Variants in ODAD1 observed in about 807,000 individuals in gnomAD.
ODAD1 encodes outer dynein arm docking complex subunit 1, also known as outer dynein arm-docking complex subunit 1.
A neutral mutation model predicts 67.2 loss-of-function variants in ODAD1; 49 were observed. That is an observed-to-expected ratio of 0.73 (90% confidence interval 0.58 to 0.92). The LOEUF is 0.92. Ranked by LOEUF, ODAD1 falls within the 40% of genes least tolerant of loss-of-function variation. ODAD1 has a pLI of 0.00. For missense variants in ODAD1, 897 were observed against 953.7 expected (o/e 0.94, Z 0.78); for synonymous variants, 345 against 393.7 (o/e 0.88, Z 1.46).
chr19:48,296,956 G>C lies in ODAD1; in HGVS notation c.*20C>G. On this transcript the variant is annotated 3_prime_UTR_variant, in exon 16 of 16. Coordinates refer to ENST00000674294, the MANE Select transcript of ODAD1 (RefSeq NM_001364171.2). ...CCCCACAGAGAGCCAGGGCAGGGTG[G>C]GGGCTGCGTGCCCCTCGTGTTAGCC... is the stretch of plus-strand genomic sequence containing the variant. 1 of 1,565,584 alleles carries C rather than the reference G, an allele frequency of 6.4e-7. No individual in the cohort carries two copies. Among genetic ancestry groups the C allele is most frequent in the Non-Finnish European group, 8.6e-7 (1 of 1,158,902 alleles).
intron 13 of ODAD1, 22 bp from the exon 14 acceptor site, chr19:48,298,119 G>A (rs377546100): frequency 2.2e-5 from 35 of 1,611,802 alleles, no homozygotes; most frequent in African/African-American, 1.3e-4. Context: ...GGGAGCCTGC[G>A]GTCAGCTGGG....
intron 7 of ODAD1, among the ~76,000 whole-genome samples, chr19:48,311,115 T>C (rs1968747190): frequency 6.6e-6 from 1 of 152,072 alleles, no homozygotes; most frequent in African/African-American, 2.4e-5. Flanking sequence ...GGGAGGCTGA[T>C]ACAGGAGAAT....
At chr19:48,299,438 A>G (rs1408968184) in intron 12 of ODAD1, among the ~76,000 whole-genome samples, 1 of 152,092 alleles carries the variant, frequency 6.6e-6, no homozygotes, top group Non-Finnish European at 1.5e-5. Flanking sequence ...CTAACAATAA[A>G]TGTTTTAAAA....
intron 7 of ODAD1, 33 bp from the exon 8 acceptor site, chr19:48,306,356 T>G (rs923172494): frequency 7.2e-6 from 11 of 1,523,096 alleles, no homozygotes; most frequent in Non-Finnish European, 9.8e-6. Context: ...TCAGTGCCAC[T>G]TCTTACAACC....
At chr19:48,307,822 C>CAAA (rs71181675) in intron 7 of ODAD1, among the ~76,000 whole-genome samples, 5 of 99,888 alleles carry the variant, frequency 5.0e-5, no homozygotes, top group South Asian at 3.7e-4. Context: ...GACTCCGTCT[C>CAAA]AAAAAAAAAA....
intron 5 of ODAD1, among the ~76,000 whole-genome samples, chr19:48,312,935 T>A (rs1444603882): frequency 6.6e-6 from 1 of 152,190 alleles, no homozygotes; most frequent in African/African-American, 2.4e-5. Context: ...TCTGTCCTCA[T>A]TTCTGTATTC....
intron 7 of ODAD1, among the ~76,000 whole-genome samples, chr19:48,310,833 T>C (rs551590313): frequency 6.6e-6 from 1 of 152,236 alleles, no homozygotes; most frequent in Admixed American, 6.5e-5. Context: ...TCCCAGCACT[T>C]TGGGAGGCCG....
chr19:48,303,927 T>C lies in ODAD1; in HGVS notation c.853+26A>G, dbSNP rs1246463700. On this transcript the variant is annotated intron_variant, in intron 9 of 15. Coordinates refer to ENST00000674294, the MANE Select transcript of ODAD1 (RefSeq NM_001364171.2). ...CCCAGGGGCGGCCAGGCCCTTGAGA[T>C]GCAAAGGCAGCAGCCCCAGCCTCAC... The C allele has an allele frequency of 3.1e-6, 5 of 1,606,668 alleles. No individual in the cohort carries two copies. In the Admixed American group the frequency reaches 8.4e-5, roughly 27 times the overall value.
At chr19:48,320,451 T>C in intron 2 of ODAD1, 60 bp from the exon 3 acceptor site, 2 of 978,960 alleles carry the variant, frequency 2.0e-6, no homozygotes, top group South Asian at 1.5e-5. Context: ...CCAGAGAGGG[T>C]GGACAATGAA....
rs570730640 is a variant in ODAD1, at chr19:48,321,026, C to T, written c.-63-215G>A. On this transcript the variant is annotated intron_variant, in intron 1 of 15. Coordinates refer to ENST00000674294, the MANE Select transcript of ODAD1 (RefSeq NM_001364171.2). ...CCGAGGCGGGCGCATCACTTGAGGT[C>T]ACGAGTTCGAGACCAACCTGGCCAA... Among the ~76,000 whole-genome samples, 10 of 152,306 alleles carry T rather than the reference C, an allele frequency of 6.6e-5. No homozygotes were observed. The South Asian group carries it at 1.2e-3, about 19-fold the overall frequency.
chr19:48,306,815 G>C lies in ODAD1; in HGVS notation c.598-492C>G, dbSNP rs371546425. 3.9e-5 allele frequency among the ~76,000 whole-genome samples: 6 copies of C among 152,288 alleles called. 1 individual carries two copies. The highest frequency in any genetic ancestry group is 1.4e-4 in the African/African-American group (6 of 41,554). ...TAATCCCAGCAGTTTGGGAGGACGA[G>C]GCGGGCAGATCACCTGAGCTTGGGA... On this transcript the variant is annotated intron_variant, in intron 7 of 15. Transcript: ENST00000674294.
intron 5 of ODAD1, among the ~76,000 whole-genome samples, chr19:48,316,634 GT>G (rs1968905788): frequency 6.6e-6 from 1 of 152,186 alleles, no homozygotes; most frequent in South Asian, 2.1e-4. Context: ...GCCTTTGCCA[GT>G]TTCTGCAGAT....
chr19:48,298,680 C>G (rs1968374262), intron 12 of ODAD1, among the ~76,000 whole-genome samples: 2 of 152,168 alleles, frequency 1.3e-5, no homozygotes, highest in African/African-American at 4.8e-5. Context: ...TCTTGAAAAT[C>G]TCAGCAATTT....
At position 48,312,812 on chromosome 19, in the gene ODAD1, T is replaced by C. The variant is rs116556391; in HGVS notation, c.361-696A>G. On this transcript the variant is annotated intron_variant, in intron 5 of 15. Transcript: ENST00000674294. ...CATGGCCCCACCACAGGGAGGGTCC[T>C]GGGAGAATGAGGCCAGTGGACAGAA... 7.0e-3 allele frequency among the ~76,000 whole-genome samples: 1,069 copies of C among 152,320 alleles called. 18 individuals are homozygous for C. The highest frequency in any genetic ancestry group is 0.024 in the African/African-American group (1,004 of 41,566).
chr19:48,316,883 C>A (rs1440413045), intron 5 of ODAD1, among the ~76,000 whole-genome samples: 1 of 152,176 alleles, frequency 6.6e-6, no homozygotes, highest in Non-Finnish European at 1.5e-5. Context: ...CCTGTAATCC[C>A]AGCTACTCAG....
At chr19:48,315,975 TATTCATGTACA>T (rs1231580143) in intron 5 of ODAD1, among the ~76,000 whole-genome samples, 1 of 152,228 alleles carries the variant, frequency 6.6e-6, no homozygotes, top group Non-Finnish European at 1.5e-5. Flanking sequence ...TTGTTATGAA[TATTCATGTACA>T]ATTCATTATA....
chr19:48,304,488 G>A (rs1167128369), intron 8 of ODAD1, among the ~76,000 whole-genome samples: 1 of 152,172 alleles, frequency 6.6e-6, no homozygotes, highest in Non-Finnish European at 1.5e-5. Context: ...ACCTGGTGGT[G>A]CATGCCTGTA....
intron 8 of ODAD1, 40 bp downstream of exon 8, chr19:48,306,216 C>T: frequency 6.4e-7 from 1 of 1,550,956 alleles, no homozygotes; most frequent in Middle Eastern, 1.7e-4. Flanking sequence ...CGTCCTGAGT[C>T]ATCTGGGTCC....
chr19:48,310,865 T>A (rs1237219208), intron 7 of ODAD1, among the ~76,000 whole-genome samples: 1 of 148,918 alleles, frequency 6.7e-6, no homozygotes, highest in African/African-American at 2.5e-5. Context: ...TTGCCTGAGC[T>A]CAGGAATTCA....
Sources: allele counts gnomAD v4.1 joint callset (sites outside exome capture counted in the v4.1 genomes callset), GRCh38; gene constraint gnomAD v4.1.1; transcripts MANE v1.5; gene names NCBI Gene and HGNC (gene_info 2026-07-23, HGNC 2026-07-21).